The following PKN2 variants were observed in gnomAD, a reference collection of about 807,000 sequenced individuals.
PKN2 encodes the protein serine/threonine-protein kinase N2.
A neutral mutation model predicts 119.1 loss-of-function variants in PKN2; 38 were observed. The ratio of observed to expected loss-of-function variants is 0.32; its 90% CI spans 0.25 to 0.42. The LOEUF (loss-of-function observed/expected upper bound fraction) is 0.42, where lower values mean the gene tolerates loss of function less well. Among genes scored for constraint, PKN2 ranks in the 10% least tolerant of loss-of-function variants. The probability of loss-of-function intolerance (pLI) is 1.00; values close to 1 mark genes in which losing one functional copy is unlikely to be tolerated. For synonymous variants in PKN2, 390 were observed against 384.9 expected (o/e 1.01, Z -0.15); for missense variants, 850 against 1,165.1 (o/e 0.73, Z 3.94).
At chr1:88,771,084 TTTTTG>T (rs1669877383) in intron 4 of PKN2, among the ~76,000 whole-genome samples, 1 of 152,118 alleles carries the variant, frequency 6.6e-6, no homozygotes, top group Non-Finnish European at 1.5e-5. Context: ...TTCTTTTGTT[TTTTTG>T]TTTTGTTTTA....
Position 88,835,321 on chromosome 1 carries a change from A to G in PKN2, c.*1873A>G, listed in dbSNP as rs1672898295. On this transcript the variant is annotated 3_prime_UTR_variant, in exon 22 of 22. Transcript: ENST00000370521. ...GCTTTAATTTAAACTGTGTTAATAC[A>G]ACATTAAAATAAAACACTAAATACT... 6.6e-6 allele frequency: 1 copy of G among 152,514 alleles called. No individual in the cohort carries two copies. Among genetic ancestry groups the G allele is most frequent in the Non-Finnish European group, 1.5e-5 (1 of 67,938 alleles). 9.4% of individuals were successfully genotyped at this position (152,514 alleles called of 1,614,324 possible). A position where few individuals can be genotyped will look rare whatever the true frequency, so the allele number is the denominator to read the frequency against.
At chr1:88,685,027 C>G (rs989570949) in intron 1 of PKN2, 5 of 192,218 alleles carry the variant, frequency 2.6e-5, no homozygotes, top group Non-Finnish European at 5.3e-5. Flanking sequence ...GCCTTTCCTC[C>G]GTACACCGCT....
intron 1 of PKN2, among the ~76,000 whole-genome samples, chr1:88,693,285 T>C (rs1187723726): frequency 3.3e-5 from 5 of 152,248 alleles, no homozygotes; most frequent in Admixed American, 6.5e-5. Flanking sequence ...TCAGATTTAA[T>C]ACTGGATATA....
In PKN2 at chr1:88,729,635, A is replaced by G. The variant is rs1040399708; in HGVS notation, c.49-11353A>G. Among the ~76,000 whole-genome samples, 10 of 152,322 alleles carry G rather than the reference A, an allele frequency of 6.6e-5. No homozygotes were observed. In the South Asian group the frequency reaches 8.3e-4, roughly 13 times the overall value. Reference sequence around the variant, plus strand: ...TGGTTTCTAAGAGCAAAAACAAGCTATGAGCTCTCTTGAAGCCTGTACTTG... The same window carrying G: ...TGGTTTCTAAGAGCAAAAACAAGCTGTGAGCTCTCTTGAAGCCTGTACTTG... On this transcript the variant is annotated intron_variant, in intron 1 of 21. Coordinates refer to ENST00000370521, the MANE Select transcript of PKN2 (RefSeq NM_006256.4).
intron 2 of PKN2, among the ~76,000 whole-genome samples, chr1:88,751,973 C>G (rs995365166): frequency 6.6e-6 from 1 of 152,082 alleles, no homozygotes; most frequent in East Asian, 1.9e-4. Context: ...TTAAGATATC[C>G]TTTGTCTTCA....
At position 88,771,832 on chromosome 1, in the gene PKN2, C is replaced by G; in HGVS notation, c.938C>G (p.Ser313Cys). The G allele has an allele frequency of 6.2e-7, 1 of 1,613,946 alleles. No homozygotes were observed. Among genetic ancestry groups the G allele is most frequent in the Non-Finnish European group, 8.5e-7 (1 of 1,179,898 alleles). The change falls in exon 6 of 22, where the codon TCT becomes TGT. Residue 313 changes from serine to cysteine, a missense_variant. Transcript: ENST00000370521. ...CTAAGTCCACGTCAAAGTATGATAT[C>G]TACGCAAAATCAATATAGTACACTA... ...PTLSPRQSMI[S>C]TQNQYSTLSK... is the part of the protein sequence containing the mutation.
At chr1:88,826,347 T>TTGCAAAA (rs112351130) in intron 18 of PKN2, among the ~76,000 whole-genome samples, 31 of 152,058 alleles carry the variant, frequency 2.0e-4, no homozygotes, top group African/African-American at 5.6e-4. Flanking sequence ...GCCAAGAATT[T>TTGCAAAA]TGCTTCATAT....
In PKN2 at chr1:88,835,844, AATG is replaced by A. The variant is rs1672924978; in HGVS notation, c.*2399_*2401del. The A allele has an allele frequency of 6.6e-6, 1 of 152,298 alleles. No individual in the cohort carries two copies. The highest frequency in any genetic ancestry group is 6.6e-5 in the Admixed American group (1 of 15,220). 9.4% of individuals were successfully genotyped at this position (152,298 alleles called of 1,614,324 possible). A position where few individuals can be genotyped will look rare whatever the true frequency, so the allele number is the denominator to read the frequency against. ...TATTCTTTCCTTTTAGAAACTTCCT[AATG>A]ATTAAAATATACTTTAACTTTTCTG... is the stretch of plus-strand genomic sequence containing the variant. On this transcript the variant is annotated 3_prime_UTR_variant, in exon 22 of 22. Coordinates refer to ENST00000370521, the MANE Select transcript of PKN2 (RefSeq NM_006256.4).
intron 1 of PKN2, among the ~76,000 whole-genome samples, chr1:88,735,153 C>T (rs940285282): frequency 6.6e-6 from 1 of 151,952 alleles, no homozygotes; most frequent in Non-Finnish European, 1.5e-5. Flanking sequence ...CTGTTTTTAG[C>T]ATTTTTTGTT....
chr1:88,833,806 A>G lies in PKN2; in HGVS notation c.*358A>G, dbSNP rs1170713712. 1.1e-5 allele frequency: 2 copies of G among 178,950 alleles called. No homozygotes were observed. The highest frequency in any genetic ancestry group is 4.8e-5 in the African/African-American group (2 of 42,046). 11.1% of individuals were successfully genotyped at this position (178,950 alleles called of 1,614,324 possible). The stretch of plus-strand genomic sequence containing the variant: ...TTGCCATATGCCCGCCTTAAGTGGA[A>G]GGAAAGTTAATCACTTAACTATGTT... On this transcript the variant is annotated 3_prime_UTR_variant, in exon 22 of 22. Transcript: ENST00000370521.
At position 88,770,340 on chromosome 1, in the gene PKN2, T is replaced by C. The variant is rs747000505; in HGVS notation, c.505-12T>C. 2 of 1,540,100 alleles carry C rather than the reference T, an allele frequency of 1.3e-6. No homozygotes were observed. Among genetic ancestry groups the C allele is most frequent in the South Asian group, 2.2e-5 (2 of 89,370 alleles). Reference sequence around the variant, plus strand: ...TTATTTGCTTAATTTTTCAAACTTATTTTTTTAATAGGATCGGAAACTCCA... The same window carrying C: ...TTATTTGCTTAATTTTTCAAACTTACTTTTTTAATAGGATCGGAAACTCCA... On this transcript the variant is annotated splice_polypyrimidine_tract_variant and intron_variant, in intron 3 of 21. Transcript: ENST00000370521.
intron 1 of PKN2, among the ~76,000 whole-genome samples, chr1:88,737,366 A>G (rs746613930): frequency 1.3e-5 from 2 of 152,112 alleles, no homozygotes; most frequent in Non-Finnish European, 2.9e-5. Context: ...GTGGGCCATC[A>G]GATTTTGCCC....
chr1:88,761,092 C>T (rs1370259916), intron 3 of PKN2, among the ~76,000 whole-genome samples: 1 of 152,060 alleles, frequency 6.6e-6, no homozygotes, highest in Non-Finnish European at 1.5e-5. Context: ...GGGCATATAA[C>T]TCCTAACTGA....
intron 1 of PKN2, among the ~76,000 whole-genome samples, chr1:88,718,592 C>G (rs910685642): frequency 6.6e-6 from 1 of 151,886 alleles, no homozygotes; most frequent in Non-Finnish European, 1.5e-5. Flanking sequence ...TGAAATATAC[C>G]AAGTAACATG....
intron 1 of PKN2, among the ~76,000 whole-genome samples, chr1:88,693,185 C>G (rs1203707862): frequency 4.6e-5 from 7 of 152,038 alleles, no homozygotes; most frequent in Non-Finnish European, 1.0e-4. Context: ...ATATTTTATT[C>G]TTTTGTTTAA....
intron 16 of PKN2, among the ~76,000 whole-genome samples, chr1:88,817,388 GACAGAGC>G (rs761528244): frequency 2.2e-3 from 311 of 144,046 alleles, no homozygotes; most frequent in Non-Finnish European, 3.6e-3. Flanking sequence ...CCAGCCTGGC[GACAGAGC>G]AAGACTCTGT....
intron 1 of PKN2, among the ~76,000 whole-genome samples, chr1:88,699,741 T>C (rs1666696468): frequency 6.6e-6 from 1 of 152,168 alleles, no homozygotes; most frequent in Admixed American, 6.5e-5. Flanking sequence ...TCCATGTCCC[T>C]GCAAAGGACA....
chr1:88,807,480 T>C lies in PKN2; in HGVS notation c.1934+37T>C, dbSNP rs747203782. On this transcript the variant is annotated intron_variant, in intron 13 of 21. Coordinates refer to ENST00000370521, the MANE Select transcript of PKN2 (RefSeq NM_006256.4). ...ATACCAAATTTTGCGACTACATGTT[T>C]GGTACCATACTTTATTGTCTTATTA... The C allele has an allele frequency of 3.1e-6, 5 of 1,605,078 alleles. No individual in the cohort carries two copies. In the African/African-American group the frequency reaches 6.7e-5, roughly 22 times the overall value.
chr1:88,779,500 A>G (rs1557605566), intron 6 of PKN2, among the ~76,000 whole-genome samples: 1 of 151,854 alleles, frequency 6.6e-6, no homozygotes, highest in African/African-American at 2.4e-5. Context: ...GATACTAGAT[A>G]CTATGTGATC....
Sources: gnomAD v4.1 joint callset for allele counts (sites outside exome capture counted in the v4.1 genomes callset) on GRCh38, gnomAD v4.1.1 for gene constraint, MANE v1.5 for transcripts, NCBI Gene and HGNC (gene_info 2026-07-23, HGNC 2026-07-21) for gene names.